GABRG2: variants seen among roughly 807,000 people sequenced by gnomAD.
GABRG2 encodes gamma-aminobutyric acid type A receptor subunit gamma2.
In GABRG2, 16 loss-of-function variants were observed where a neutral mutation model predicts 56.4. That is an observed-to-expected ratio of 0.28 (90% CI 0.19 to 0.43). GABRG2 has a LOEUF of 0.43. Among genes scored for constraint, GABRG2 ranks in the 20% least tolerant of loss-of-function variants. GABRG2 has a pLI of 1.00. For synonymous variants in GABRG2, 208 were observed against 205.5 expected, an observed-to-expected ratio of 1.01 and a Z score of -0.10; for missense variants, 327 against 582.7, an observed-to-expected ratio of 0.56 and a Z score of 4.52.
At chr5:162,085,167 T>C (rs1253755327) in intron 1 of GABRG2, among the ~76,000 whole-genome samples, 2 of 151,988 alleles carry the variant, frequency 1.3e-5, no homozygotes, top group African/African-American at 4.8e-5. Flanking sequence ...GCATATGCCA[T>C]ATTTTATTTA....
At chr5:162,076,150 T>G (rs914154028) in intron 1 of GABRG2, among the ~76,000 whole-genome samples, 14 of 152,122 alleles carry the variant, frequency 9.2e-5, no homozygotes, top group African/African-American at 3.4e-4. Context: ...AGACCCCGTC[T>G]CAAATAAAAA....
intron 7 of GABRG2, among the ~76,000 whole-genome samples, chr5:162,148,249 T>C (rs1252849897): frequency 1.3e-5 from 2 of 152,190 alleles, no homozygotes; most frequent in African/African-American, 4.8e-5. Context: ...TTACCAACTA[T>C]TGGATGTGGT....
In GABRG2 at chr5:162,101,301, C is replaced by T; in HGVS notation, c.615C>T (p.Pro205=). ...HNFPMDEHSC[P]LEFSSYGYPR... is the part of the protein sequence containing the mutation. ...TTCCAATGGATGAACACTCCTGCCC[C>T]TTGGAGTTCTCCAGTTGTAAGTAAT... is the stretch of plus-strand genomic sequence containing the variant. Residue 205 remains proline (P), a synonymous_variant, in exon 5 of 10, where the codon CCC becomes CCT. Coordinates refer to ENST00000639213, the MANE Select transcript of GABRG2 (RefSeq NM_198904.4). 1 of 1,607,770 alleles carries T rather than the reference C, an allele frequency of 6.2e-7. No homozygotes were observed. Among genetic ancestry groups the T allele is most frequent in the South Asian group, 1.1e-5 (1 of 90,958 alleles).
chr5:162,127,340 A>C (rs1763406757), intron 6 of GABRG2, among the ~76,000 whole-genome samples: 1 of 151,990 alleles, frequency 6.6e-6, no homozygotes, highest in Admixed American at 6.6e-5. Context: ...GAAAAAAACT[A>C]AGATCATTCT....
intron 6 of GABRG2, among the ~76,000 whole-genome samples, chr5:162,134,067 A>G (rs538039036): frequency 6.6e-6 from 1 of 152,260 alleles, no homozygotes; most frequent in East Asian, 1.9e-4. Flanking sequence ...GACATTCAAC[A>G]ATTAGTCAGC....
In GABRG2 at chr5:162,075,619, CAAT is replaced by C. The variant is rs577220950; in HGVS notation, c.107+7517_107+7519del. 6.6e-5 allele frequency among the ~76,000 whole-genome samples: 10 copies of C among 152,162 alleles called. No individual in the cohort carries two copies. In the East Asian group the frequency reaches 1.2e-3, roughly 18 times the overall value. On this transcript the variant is annotated intron_variant, in intron 1 of 9. Transcript: ENST00000639213. The stretch of plus-strand genomic sequence containing the variant: ...GCATGCCTAGCCTCTAACGGATGTT[CAAT>C]AATTATATGCTTAATTAAGTAATAA...
chr5:162,082,201 T>C (rs550569053), intron 1 of GABRG2, among the ~76,000 whole-genome samples: 1 of 151,928 alleles, frequency 6.6e-6, no homozygotes, highest in Non-Finnish European at 1.5e-5. Context: ...GAAGCATGGA[T>C]TCTATAAGAG....
At chr5:162,144,616 C>A (rs909982805) in intron 7 of GABRG2, among the ~76,000 whole-genome samples, 1 of 152,270 alleles carries the variant, frequency 6.6e-6, no homozygotes, top group African/African-American at 2.4e-5. Context: ...ATTATTATCA[C>A]AATTTTTAGA....
At chr5:162,077,818 C>A (rs1759261304) in intron 1 of GABRG2, among the ~76,000 whole-genome samples, 1 of 152,072 alleles carries the variant, frequency 6.6e-6, no homozygotes, top group Non-Finnish European at 1.5e-5. Context: ...AATCAACTTT[C>A]ATGCTCACTC....
intron 6 of GABRG2, among the ~76,000 whole-genome samples, chr5:162,126,182 G>T (rs1763330001): frequency 6.6e-6 from 1 of 151,926 alleles, no homozygotes; most frequent in Non-Finnish European, 1.5e-5. Context: ...AGGGGGTAAT[G>T]ACATTTCATA....
intron 1 of GABRG2, among the ~76,000 whole-genome samples, chr5:162,076,555 C>T (rs934646600): frequency 6.6e-6 from 1 of 152,150 alleles, no homozygotes; most frequent in Non-Finnish European, 1.5e-5. Context: ...TCCTGTCATA[C>T]AAGACTCCTT....
chr5:162,148,587 T>G (rs1229027848), intron 7 of GABRG2, among the ~76,000 whole-genome samples: 1 of 152,210 alleles, frequency 6.6e-6, no homozygotes, highest in African/African-American at 2.4e-5. Flanking sequence ...TCAAAATAAT[T>G]TTAATCCCCT....
intron 6 of GABRG2, among the ~76,000 whole-genome samples, chr5:162,135,468 C>T (rs1470409211): frequency 2.0e-5 from 3 of 152,078 alleles, no homozygotes; most frequent in African/African-American, 4.8e-5. Context: ...TGTGGAATTC[C>T]CTCTATGTCC....
At chr5:162,112,286 G>A (rs151130987) in intron 6 of GABRG2, among the ~76,000 whole-genome samples, 1 of 151,646 alleles carries the variant, frequency 6.6e-6, no homozygotes, top group Admixed American at 6.6e-5. Flanking sequence ...CAAGTTGTTG[G>A]TATTTTCTAA....
At chr5:162,104,454 T>A (rs188379) in intron 6 of GABRG2, among the ~76,000 whole-genome samples, 125,400 of 152,110 alleles carry the variant, frequency 0.82, 51,837 homozygotes, top group African/African-American at 0.86. Flanking sequence ...AATATTTTAA[T>A]CTTATCCATC....
intron 1 of GABRG2, among the ~76,000 whole-genome samples, chr5:162,071,283 A>C (rs989855688): frequency 6.6e-6 from 1 of 151,450 alleles, no homozygotes; most frequent in African/African-American, 2.4e-5. Context: ...CCCTAAAGGG[A>C]AAAAAATATA....
At chr5:162,092,482 A>C (rs1461812190) in intron 1 of GABRG2, among the ~76,000 whole-genome samples, 3 of 152,150 alleles carry the variant, frequency 2.0e-5, no homozygotes, top group African/African-American at 7.2e-5. Context: ...CTTATTCTCA[A>C]ACCAGATTAA....
At chr5:162,082,090 C>A (rs933056107) in intron 1 of GABRG2, among the ~76,000 whole-genome samples, 55 of 151,844 alleles carry the variant, frequency 3.6e-4, no homozygotes, top group Middle Eastern at 3.4e-3. Context: ...TAATTATGAA[C>A]TTTTCAGTGC....
intron 1 of GABRG2, among the ~76,000 whole-genome samples, chr5:162,075,391 C>G (rs1228151903): frequency 1.3e-5 from 2 of 152,066 alleles, no homozygotes; most frequent in Non-Finnish European, 2.9e-5. Context: ...ATTGCAAACT[C>G]CACTCCACCT....
Sources: allele counts gnomAD v4.1 joint callset (sites outside exome capture counted in the v4.1 genomes callset), GRCh38; gene constraint gnomAD v4.1.1; transcripts MANE v1.5; gene names NCBI Gene and HGNC (gene_info 2026-07-23, HGNC 2026-07-21).